Variants in DPYD observed in about 807,000 individuals in gnomAD.
DPYD encodes the protein dihydropyrimidine dehydrogenase.
In DPYD, 109 loss-of-function variants were observed where a neutral mutation model predicts 116.2. The observed-to-expected ratio is 0.94, with a 90% CI of 0.80 to 1.10. DPYD has a LOEUF of 1.10. DPYD is among the 50% of genes least tolerant of loss of function. DPYD has a pLI of 0.00. For missense variants in DPYD, 1,302 were observed against 1,254.5 expected, an observed-to-expected ratio of 1.04 and a Z score of -0.57; for synonymous variants, 440 against 432.0, an observed-to-expected ratio of 1.02 and a Z score of -0.23.
At chr1:97,875,512 G>A (rs903097556) in intron 2 of DPYD, among the ~76,000 whole-genome samples, 3 of 152,062 alleles carry the variant, frequency 2.0e-5, no homozygotes. Context: ...TGCATAAGCA[G>A]CCAGTTATTA....
intron 20 of DPYD, among the ~76,000 whole-genome samples, 163 bp downstream of exon 20, chr1:97,192,906 T>C (rs1174360615): frequency 6.6e-6 from 1 of 152,200 alleles, no homozygotes; most frequent in African/African-American, 2.4e-5. Flanking sequence ...AGACCCATCA[T>C]ATGGCTGTAA....
intron 13 of DPYD, among the ~76,000 whole-genome samples, chr1:97,477,897 G>A (rs1049902057): frequency 6.6e-6 from 1 of 152,144 alleles, no homozygotes; most frequent in South Asian, 2.1e-4. Context: ...TGGGATTCAT[G>A]ACTGTTCTTA....
rs1305403666 is a variant in DPYD at position 97,521,521 on chromosome 1, C to T, written c.1525-5580G>A. Among the ~76,000 whole-genome samples, 5 of 152,148 alleles carry T rather than the reference C, an allele frequency of 3.3e-5. No homozygotes were observed. In the East Asian group the frequency reaches 9.6e-4, roughly 29 times the overall value. ...CAGATTCAATGCTATCCCAATCAAG[C>T]TACCAGTGACTTTCTTCAGAGAATT... On this transcript the variant is annotated intron_variant, in intron 12 of 22. Coordinates refer to ENST00000370192, the MANE Select transcript of DPYD (RefSeq NM_000110.4).
At chr1:97,100,269 G>A (rs1474134567) in intron 20 of DPYD, among the ~76,000 whole-genome samples, 1 of 151,898 alleles carries the variant, frequency 6.6e-6, no homozygotes, top group Non-Finnish European at 1.5e-5. Flanking sequence ...TTTTCTTGGG[G>A]CATATGAGGT....
intron 18 of DPYD, among the ~76,000 whole-genome samples, chr1:97,292,152 T>A (rs1300622856): frequency 2.0e-5 from 3 of 152,160 alleles, no homozygotes; most frequent in Non-Finnish European, 4.4e-5. Flanking sequence ...TCCAAGAATC[T>A]GTGTATTTGA....
At chr1:97,307,390 C>A (rs891425856) in intron 16 of DPYD, among the ~76,000 whole-genome samples, 3 of 151,642 alleles carry the variant, frequency 2.0e-5, no homozygotes, top group Admixed American at 6.6e-5. Context: ...GAAAGTTGCT[C>A]TTTGCATTTT....
At chr1:97,823,585 T>C (rs554293705) in intron 3 of DPYD, among the ~76,000 whole-genome samples, 122 of 152,314 alleles carry the variant, frequency 8.0e-4, no homozygotes, top group African/African-American at 2.9e-3. Context: ...AGTGAGATCA[T>C]GCAGTGTTTG....
intron 12 of DPYD, chr1:97,546,099 T>A: frequency 7.0e-7 from 1 of 1,427,972 alleles, no homozygotes; most frequent in East Asian, 2.3e-5. Flanking sequence ...GCTGGTTAAG[T>A]TGACAAGGCA....
chr1:97,207,411 C>T (rs1659713547), intron 19 of DPYD, among the ~76,000 whole-genome samples: 1 of 152,136 alleles, frequency 6.6e-6, no homozygotes, highest in African/African-American at 2.4e-5. Flanking sequence ...ACTTCTTCAG[C>T]ATTTTTCTTC....
At chr1:97,419,727 A>T (rs1674480099) in intron 14 of DPYD, among the ~76,000 whole-genome samples, 1 of 152,196 alleles carries the variant, frequency 6.6e-6, no homozygotes, top group Non-Finnish European at 1.5e-5. Context: ...TACATTAAAA[A>T]ATACCACAGT....
intron 14 of DPYD, among the ~76,000 whole-genome samples, chr1:97,406,588 T>C (rs1673673407): frequency 6.8e-6 from 1 of 146,566 alleles, no homozygotes; most frequent in African/African-American, 2.5e-5. Context: ...GTGTGTGATG[T>C]TCCCCTCCCT....
At chr1:97,576,818 G>T (rs2102194605) in intron 10 of DPYD, among the ~76,000 whole-genome samples, 1 of 152,266 alleles carries the variant, frequency 6.6e-6, no homozygotes, top group South Asian at 2.1e-4. Flanking sequence ...AGATTCATCT[G>T]CATTTTTGCT....
chr1:97,778,485 C>T lies in DPYD; in HGVS notation c.234-38006G>A, dbSNP rs187682854. Among the ~76,000 whole-genome samples, 416 of 152,164 alleles carry T rather than the reference C, an allele frequency of 2.7e-3. 2 individuals are homozygous for T. The highest frequency in any genetic ancestry group is 8.9e-3 in the African/African-American group (370 of 41,522). Reference sequence around the variant, plus strand: ...AAACTTACTCTATTTCATTAAAAAGCTTAAATTCTATTACTTCTCCATAGA... The same window carrying T: ...AAACTTACTCTATTTCATTAAAAAGTTTAAATTCTATTACTTCTCCATAGA... On this transcript the variant is annotated intron_variant, in intron 3 of 22. Coordinates refer to ENST00000370192, the MANE Select transcript of DPYD (RefSeq NM_000110.4).
intron 18 of DPYD, among the ~76,000 whole-genome samples, chr1:97,256,205 T>C (rs781092988): frequency 6.6e-6 from 1 of 152,124 alleles, no homozygotes; most frequent in Non-Finnish European, 1.5e-5. Context: ...TAGTAAAACA[T>C]TTCCATTGTT....
chr1:97,595,981 T>C (rs1454082591), intron 8 of DPYD, among the ~76,000 whole-genome samples: 5 of 152,168 alleles, frequency 3.3e-5, no homozygotes, highest in African/African-American at 1.2e-4. Flanking sequence ...GAAATATACA[T>C]TGGTGTTCAA....
chr1:97,705,468 A>G (rs1469941128), intron 5 of DPYD, among the ~76,000 whole-genome samples: 2 of 151,884 alleles, frequency 1.3e-5, no homozygotes, highest in East Asian at 3.9e-4. Context: ...TGAACTCATC[A>G]TTTTTTATGG....
intron 20 of DPYD, among the ~76,000 whole-genome samples, chr1:97,154,947 A>G (rs987039771): frequency 6.6e-6 from 1 of 152,210 alleles, no homozygotes; most frequent in Non-Finnish European, 1.5e-5. Flanking sequence ...ACACGTGTCT[A>G]GGTAGCATAC....
intron 18 of DPYD, chr1:97,295,489 GGC>G (rs1666470113): frequency 6.6e-6 from 1 of 151,890 alleles, no homozygotes; most frequent in Non-Finnish European, 1.5e-5. Flanking sequence ...GGAGTGCATG[GGC>G]GCAATCTTGG....
In DPYD at chr1:97,772,363, G is replaced by C. The variant is rs537977590; in HGVS notation, c.234-31884C>G. Among the ~76,000 whole-genome samples, 5 of 152,258 alleles carry C rather than the reference G, an allele frequency of 3.3e-5. No individual in the cohort carries two copies. The South Asian group carries it at 6.2e-4, about 19-fold the overall frequency. On this transcript the variant is annotated intron_variant, in intron 3 of 22. Transcript: ENST00000370192. ...CTTTCTTTCTTTTATTAAAGGAAAA[G>C]TTAGCTATCCAGCCTGTTCAGTTAA...
Sources: allele counts gnomAD v4.1 joint callset (sites outside exome capture counted in the v4.1 genomes callset), GRCh38; gene constraint gnomAD v4.1.1; transcripts MANE v1.5; gene names NCBI Gene and HGNC (gene_info 2026-07-23, HGNC 2026-07-21).